Variants in PPEF2 observed in about 807,000 individuals in gnomAD.
The protein encoded by PPEF2 is serine/threonine-protein phosphatase with EF-hands 2.
PPEF2 carries 84 observed loss-of-function variants against 84.7 expected under a neutral mutation model. The ratio of observed to expected loss-of-function variants is 0.99; its 90% CI spans 0.83 to 1.19. The LOEUF (loss-of-function observed/expected upper bound fraction) is 1.19. Among genes scored for constraint, PPEF2 ranks in the 50% most tolerant of loss-of-function variants. The pLI, the probability that PPEF2 is intolerant of heterozygous loss-of-function variation, is 0.00. For synonymous variants in PPEF2, 346 were observed against 345.2 expected, an observed-to-expected ratio of 1.00 and a Z score of -0.03; for missense variants, 924 against 937.5, an observed-to-expected ratio of 0.99 and a Z score of 0.19.
At chr4:75,871,213 C>T (rs1451372409) in intron 13 of PPEF2, among the ~76,000 whole-genome samples, 4 of 152,140 alleles carry the variant, frequency 2.6e-5, no homozygotes, top group African/African-American at 9.7e-5. Context: ...AGCCACCGCG[C>T]CCGGCCAAAA....
chr4:75,890,469 A>G (rs1724850264), intron 4 of PPEF2, among the ~76,000 whole-genome samples: 1 of 133,754 alleles, frequency 7.5e-6, no homozygotes, highest in South Asian at 2.5e-4. Context: ...AGCCTGAACG[A>G]TAGAGTGAGA....
At chr4:75,887,319 A>C (rs1724752999) in intron 6 of PPEF2, among the ~76,000 whole-genome samples, 1 of 152,212 alleles carries the variant, frequency 6.6e-6, no homozygotes, top group Non-Finnish European at 1.5e-5. Flanking sequence ...CAATGTTGAA[A>C]TACCATTTTT....
chr4:75,887,000 A>G (rs1724745890), intron 6 of PPEF2, 102 bp from the exon 7 acceptor site: 2 of 590,036 alleles, frequency 3.4e-6, no homozygotes, highest in Non-Finnish European at 5.8e-6. Flanking sequence ...TGACAGAAAA[A>G]ACCCTACAAA....
chr4:75,866,498 C>T, intron 14 of PPEF2, 146 bp from the exon 15 acceptor site: 1 of 1,054,154 alleles, frequency 9.5e-7, no homozygotes, highest in Non-Finnish European at 1.4e-6. Flanking sequence ...TTGATAGTAG[C>T]AGAGTTGGCT....
At chr4:75,884,486 T>C in intron 8 of PPEF2, 108 bp downstream of exon 8, 1 of 1,324,144 alleles carries the variant, frequency 7.6e-7, no homozygotes, top group Non-Finnish European at 1.0e-6. Context: ...TTAAAAAAAT[T>C]GGAAAACTAG....
intron 8 of PPEF2, chr4:75,883,443 C>G (rs1234862101): frequency 5.6e-6 from 3 of 535,580 alleles, no homozygotes; most frequent in Non-Finnish European, 9.9e-6. Flanking sequence ...TCATGAATCT[C>G]TATTATTTAT....
At chr4:75,881,942 A>T (rs1039353511) in intron 10 of PPEF2, 4 of 152,220 alleles carry the variant, frequency 2.6e-5, no homozygotes, top group Non-Finnish European at 4.4e-5. Flanking sequence ...CTGTCTTTGG[A>T]ACTTCCCAGG....
In PPEF2 at chr4:75,866,506, G is replaced by A. The variant is rs775112792; in HGVS notation, c.1757-154C>T. Reference sequence around the variant, plus strand: ...ATTTTTGTTGATAGTAGCAGAGTTGGCTGGAAGCTAGGCTTGCCAGATAAA... The same window carrying A: ...ATTTTTGTTGATAGTAGCAGAGTTGACTGGAAGCTAGGCTTGCCAGATAAA... On this transcript the variant is annotated intron_variant, in intron 14 of 16. Coordinates refer to ENST00000286719, the MANE Select transcript of PPEF2 (RefSeq NM_006239.3). 9.1e-5 allele frequency: 87 copies of A among 957,332 alleles called. 1 individual carries two copies. The South Asian group carries it at 1.2e-3, about 13-fold the overall frequency. 59.3% of individuals were successfully genotyped at this position (957,332 alleles called of 1,614,324 possible).
Position 75,876,426 on chromosome 4 carries a change from A to C in PPEF2, c.1181T>G (p.Val394Gly), listed in dbSNP as rs748444250. The C allele has an allele frequency of 3.8e-5, 61 of 1,613,978 alleles. No individual in the cohort carries two copies. Among genetic ancestry groups the C allele is most frequent in the Non-Finnish European group, 5.0e-5 (59 of 1,180,024 alleles). Residue 394 changes from valine (V) to glycine (G), a missense_variant, in exon 11 of 17, where the codon GTG (valine) becomes GGG (glycine). Transcript: ENST00000286719. The part of the protein sequence containing the change: ...RELSRQVRSS[V>G]ELELERCRQQ... ...CCGGCACCGCTCTAGCTCCAGTTCCACGGAGCTCCGCACCTGCCGGGAGAG... is the reference window on the plus strand; with the variant it reads ...CCGGCACCGCTCTAGCTCCAGTTCCCCGGAGCTCCGCACCTGCCGGGAGAG...
chr4:75,885,912 G>A (rs1724708924), intron 7 of PPEF2, among the ~76,000 whole-genome samples: 1 of 152,066 alleles, frequency 6.6e-6, no homozygotes, highest in African/African-American at 2.4e-5. Context: ...GGGAGGCCGA[G>A]GCAGGAGAAT....
rs557374546 is a variant in PPEF2 at position 75,888,868 on chromosome 4, C to T, written c.418-540G>A. On this transcript the variant is annotated intron_variant, in intron 5 of 16. Transcript: ENST00000286719. ...CTCTTGACTGGTCACCCTACTTTGG[C>T]CCTTGCCGCCTACACTGTCTTAACA... Among the ~76,000 whole-genome samples the T allele has an allele frequency of 2.6e-5, 4 of 152,320 alleles. No homozygotes were observed. In the South Asian group the frequency reaches 8.3e-4, roughly 32 times the overall value.
Position 75,876,349 on chromosome 4 carries a change from C to T in PPEF2, c.1258G>A (p.Ala420Thr). 6.2e-7 allele frequency: 1 copy of T among 1,613,930 alleles called. No individual in the cohort carries two copies. The highest frequency in any genetic ancestry group is 8.5e-7 in the Non-Finnish European group (1 of 1,179,986). ...TGEKEEPSRS[A>T]SEADSEAGEL... ...CCGGCTTCAGAGTCTGCTTCTGAGG[C>T]TGAGCGGGAGGGCTCCTCTTTCTCT... is the stretch of plus-strand genomic sequence containing the variant. Residue 420 changes from alanine to threonine, a missense_variant, in exon 11 of 17, where the codon GCC becomes ACC. By Grantham distance (58) the Ala-to-Thr change is moderately conservative (BLOSUM62 0). Coordinates refer to ENST00000286719, the MANE Select transcript of PPEF2 (RefSeq NM_006239.3).
intron 2 of PPEF2, among the ~76,000 whole-genome samples, chr4:75,895,966 C>A (rs1287608065): frequency 1.3e-5 from 2 of 152,102 alleles, no homozygotes; most frequent in Admixed American, 1.3e-4. Context: ...CGTGCTCTAC[C>A]CTCTGCCTGG....
In PPEF2 at chr4:75,860,290, C is replaced by G. The variant is rs368098254; in HGVS notation, c.*377G>C. Reference sequence around the variant, plus strand: ...CTGGGAGGCGGACTTTGCGGTGAGCCGAGATCGCGCCAATGCACTCCAGCC... The same window carrying G: ...CTGGGAGGCGGACTTTGCGGTGAGCGGAGATCGCGCCAATGCACTCCAGCC... On this transcript the variant is annotated 3_prime_UTR_variant, in exon 17 of 17. Transcript: ENST00000286719. 1.9e-5 allele frequency: 4 copies of G among 209,678 alleles called. No homozygotes were observed. Among genetic ancestry groups the G allele is most frequent in the African/African-American group, 9.3e-5 (4 of 42,968 alleles). 13.0% of individuals were successfully genotyped at this position (209,678 alleles called of 1,614,324 possible).
rs370391613 is a variant in PPEF2, at chr4:75,883,197, C to G, written c.752G>C (p.Gly251Ala). Residue 251 changes from glycine to alanine, a missense_variant, in exon 9 of 17, where the codon GGC becomes GCC. Transcript: ENST00000286719. ...HEDHMVNLRY[G>A]FTKEVMNKYK... ...TTTATTCATCACTTCCTTGGTGAAG[C>G]CATATCTAGATTTAGAAGCACAAAT... The G allele has an allele frequency of 6.2e-7, 1 of 1,613,024 alleles. No individual in the cohort carries two copies. Among genetic ancestry groups the G allele is most frequent in the African/African-American group, 1.3e-5 (1 of 74,892 alleles).
chr4:75,870,389 G>C (rs554474117), intron 13 of PPEF2, among the ~76,000 whole-genome samples: 1 of 152,146 alleles, frequency 6.6e-6, no homozygotes, highest in African/African-American at 2.4e-5. Flanking sequence ...AAGTGAGGCT[G>C]GCCTATATTT....
At chr4:75,897,604 C>T (rs1725037013) in intron 1 of PPEF2, among the ~76,000 whole-genome samples, 1 of 152,174 alleles carries the variant, frequency 6.6e-6, no homozygotes, top group South Asian at 2.1e-4. Flanking sequence ...GAAACCTCAT[C>T]TCTCCTAAAA....
chr4:75,863,295 T>A (rs1018246312), intron 16 of PPEF2, among the ~76,000 whole-genome samples: 5 of 149,530 alleles, frequency 3.3e-5, no homozygotes, highest in African/African-American at 9.9e-5. Context: ...ATCGAGACCA[T>A]CCTGGCTAAC....
chr4:75,888,489 C>G (rs369512175), intron 5 of PPEF2, among the ~76,000 whole-genome samples, 161 bp from the exon 6 acceptor site: 1 of 152,194 alleles, frequency 6.6e-6, no homozygotes, highest in Non-Finnish European at 1.5e-5. Flanking sequence ...CTTTATCACT[C>G]AACTTCTGCC....
Sources: gnomAD v4.1 joint callset for allele counts (sites outside exome capture counted in the v4.1 genomes callset) on GRCh38, gnomAD v4.1.1 for gene constraint, MANE v1.5 for transcripts, NCBI Gene and HGNC (gene_info 2026-07-23, HGNC 2026-07-21) for gene names.